The following CCDC146 variants were observed in gnomAD, a reference collection of about 807,000 sequenced individuals.
CCDC146 encodes the protein coiled-coil domain-containing protein 146.
In CCDC146, 92 loss-of-function variants were observed where a neutral mutation model predicts 119.3. The observed-to-expected ratio is 0.77, with a 90% CI of 0.65 to 0.92. The LOEUF is 0.92. CCDC146 is among the 40% of genes least tolerant of loss of function. CCDC146 has a pLI of 0.00. For synonymous variants in CCDC146, 372 were observed against 371.8 expected, an observed-to-expected ratio of 1.00 and a Z score of -0.01; for missense variants, 1,000 against 1,103.0, an observed-to-expected ratio of 0.91 and a Z score of 1.32.
chr7:77,158,869 C>A (rs1167635905), intron 1 of CCDC146, among the ~76,000 whole-genome samples: 2 of 152,126 alleles, frequency 1.3e-5, no homozygotes, highest in African/African-American at 4.8e-5. Context: ...TCCTTTCCTG[C>A]CTATTTAATT....
At chr7:77,146,975 A>T (rs1297133855) in intron 1 of CCDC146, among the ~76,000 whole-genome samples, 3 of 152,140 alleles carry the variant, frequency 2.0e-5, no homozygotes, top group African/African-American at 7.2e-5. Context: ...AGGTTGGGGA[A>T]GTTCTCCTGG....
chr7:77,171,888 C>A (rs1014932558), intron 2 of CCDC146, among the ~76,000 whole-genome samples: 40 of 152,306 alleles, frequency 2.6e-4, no homozygotes, highest in African/African-American at 8.7e-4. Context: ...CTTAGGACAA[C>A]TTCTCATGCA....
At chr7:77,274,383 C>A in intron 10 of CCDC146, 99 bp from the exon 11 acceptor site, 1 of 841,122 alleles carries the variant, frequency 1.2e-6, no homozygotes, top group Non-Finnish European at 1.8e-6. Context: ...TAAAAAAATA[C>A]ATTTTGTATA....
intron 2 of CCDC146, among the ~76,000 whole-genome samples, chr7:77,215,421 T>C (rs1354916487): frequency 2.0e-5 from 3 of 152,068 alleles, no homozygotes; most frequent in East Asian, 1.9e-4. Context: ...TGCTCAAAAC[T>C]TGGAATCAGT....
At chr7:77,129,468 G>A (rs1449842614) in intron 1 of CCDC146, among the ~76,000 whole-genome samples, 1 of 151,976 alleles carries the variant, frequency 6.6e-6, no homozygotes, top group Non-Finnish European at 1.5e-5. Flanking sequence ...AAAACTATAT[G>A]CTGAGATTGC....
chr7:77,146,405 C>G (rs563940945), intron 1 of CCDC146, among the ~76,000 whole-genome samples: 3 of 151,790 alleles, frequency 2.0e-5, no homozygotes, highest in Non-Finnish European at 4.4e-5. Flanking sequence ...GAGCACTTAG[C>G]CCATAACAAG....
In CCDC146 at chr7:77,295,192, T is replaced by G. The variant is rs1794020863; in HGVS notation, c.*326T>G. On this transcript the variant is annotated 3_prime_UTR_variant, in exon 19 of 19. Coordinates refer to ENST00000285871, the MANE Select transcript of CCDC146 (RefSeq NM_020879.3). ...TATAAAAATGCACTAAAAATAAATC[T>G]GTTCTCAATGAAGTACGGAAATGGA... The G allele has an allele frequency of 4.5e-6, 1 of 221,854 alleles. No homozygotes were observed. The highest frequency in any genetic ancestry group is 9.0e-6 in the Non-Finnish European group (1 of 111,296). 13.7% of individuals were successfully genotyped at this position (221,854 alleles called of 1,614,324 possible). A position where few individuals can be genotyped will look rare whatever the true frequency, so the allele number is the denominator to read the frequency against.
intron 13 of CCDC146, 118 bp downstream of exon 13, chr7:77,279,219 G>A: frequency 1.1e-6 from 1 of 887,962 alleles, no homozygotes; most frequent in Non-Finnish European, 1.7e-6. Context: ...AGCCAAGATG[G>A]TGCCACTGCC....
At chr7:77,156,746 G>C (rs1410526925) in intron 1 of CCDC146, among the ~76,000 whole-genome samples, 1 of 152,136 alleles carries the variant, frequency 6.6e-6, no homozygotes, top group African/African-American at 2.4e-5. Context: ...AGTTCCATCT[G>C]ATTTTGTTGT....
intron 2 of CCDC146, among the ~76,000 whole-genome samples, chr7:77,222,354 C>A (rs36035520): frequency 0.021 from 3,226 of 152,312 alleles, 62 homozygotes; most frequent in Middle Eastern, 0.061. Flanking sequence ...CTGATGAATA[C>A]TGGAAAGAAC....
chr7:77,196,904 TC>T lies in CCDC146; in HGVS notation c.156+29081del. On this transcript the variant is annotated intron_variant, in intron 2 of 18. Coordinates refer to ENST00000285871, the MANE Select transcript of CCDC146 (RefSeq NM_020879.3). The surrounding 1 kb of genome is among the most constrained non-coding windows in gnomAD (Gnocchi z 4.2). ...AACTTCAAAGCTACTATTTTTGGGA[TC>T]AGGTGTAACTCTGTAGGTCTCACTG... 1 of 1,614,042 alleles carries T rather than the reference TC, an allele frequency of 6.2e-7. No individual in the cohort carries two copies. Among genetic ancestry groups the T allele is most frequent in the Non-Finnish European group, 8.5e-7 (1 of 1,179,968 alleles).
intron 9 of CCDC146, among the ~76,000 whole-genome samples, chr7:77,268,445 G>A (rs1793449261): frequency 6.6e-6 from 1 of 152,112 alleles, no homozygotes; most frequent in Admixed American, 6.6e-5. Flanking sequence ...TTCTTTCTCA[G>A]CCTTCTGACT....
intron 1 of CCDC146, among the ~76,000 whole-genome samples, chr7:77,165,587 A>G (rs1791327558): frequency 6.6e-6 from 1 of 152,220 alleles, no homozygotes; most frequent in South Asian, 2.1e-4. Context: ...TGGCAAAAGC[A>G]ATGGCAGCAA....
intron 9 of CCDC146, among the ~76,000 whole-genome samples, chr7:77,271,317 T>C (rs1223060608): frequency 1.3e-5 from 2 of 151,346 alleles, no homozygotes; most frequent in Non-Finnish European, 2.9e-5. Context: ...CCAGCCTACA[T>C]CTTTCTCCCG....
chr7:77,145,658 C>A (rs1791006131), intron 1 of CCDC146, among the ~76,000 whole-genome samples: 1 of 152,148 alleles, frequency 6.6e-6, no homozygotes, highest in Admixed American at 6.6e-5. Flanking sequence ...TTTATTTCTG[C>A]CTTCACTTCG....
intron 15 of CCDC146, among the ~76,000 whole-genome samples, chr7:77,286,350 A>C (rs1234794232): frequency 6.6e-6 from 1 of 152,158 alleles, no homozygotes; most frequent in Non-Finnish European, 1.5e-5. Context: ...TGAAGGCCCC[A>C]TCCTGCCCCC....
At chr7:77,280,211 G>A (rs1405740195) in intron 13 of CCDC146, among the ~76,000 whole-genome samples, 1 of 152,092 alleles carries the variant, frequency 6.6e-6, no homozygotes, top group African/African-American at 2.4e-5. Flanking sequence ...GAAAAGGAAA[G>A]ATGTTCTAAT....
intron 2 of CCDC146, among the ~76,000 whole-genome samples, chr7:77,218,358 G>C (rs949511423): frequency 3.3e-5 from 5 of 151,350 alleles, no homozygotes; most frequent in African/African-American, 1.2e-4. Context: ...ATAAAGCAAG[G>C]TCCCAATCTC....
At chr7:77,163,860 C>CTTTTTTTT (rs530810388) in intron 1 of CCDC146, among the ~76,000 whole-genome samples, 7 of 110,032 alleles carry the variant, frequency 6.4e-5, no homozygotes, top group Non-Finnish European at 9.1e-5. Flanking sequence ...TCTTTTTTTT[C>CTTTTTTTT]TTTTTTTTTT....
Sources: allele counts gnomAD v4.1 joint callset (sites outside exome capture counted in the v4.1 genomes callset), GRCh38; gene constraint gnomAD v4.1.1; non-coding constraint Gnocchi (gnomAD v3.1); transcripts MANE v1.5; gene names NCBI Gene and HGNC (gene_info 2026-07-23, HGNC 2026-07-21).